The following FBXW7 variants were observed in gnomAD, a reference collection of about 807,000 sequenced individuals.
FBXW7 encodes the protein F-box and WD repeat domain containing 7.
FBXW7 carries 11 observed loss-of-function variants against 86.3 expected under a neutral mutation model. The observed-to-expected ratio is 0.13, with a 90% CI of 0.08 to 0.21. The LOEUF (loss-of-function observed/expected upper bound fraction) is 0.21. FBXW7 is among the 10% of genes least tolerant of loss of function. The pLI is 1.00. For synonymous variants in FBXW7, 313 were observed against 297.9 expected (o/e 1.05, Z -0.52); for missense variants, 488 against 847.4 (o/e 0.58, Z 5.27).
At chr4:152,506,184 T>G (rs1747406807) in intron 2 of FBXW7, among the ~76,000 whole-genome samples, 1 of 151,862 alleles carries the variant, frequency 6.6e-6, no homozygotes, top group Non-Finnish European at 1.5e-5. Flanking sequence ...CAGGCGGGAG[T>G]GCGGTGGCAC....
intron 2 of FBXW7, among the ~76,000 whole-genome samples, chr4:152,421,029 C>G (rs1738897277): frequency 6.6e-6 from 1 of 152,136 alleles, no homozygotes; most frequent in Non-Finnish European, 1.5e-5. Flanking sequence ...GCTGTTTCAT[C>G]TACATTGAAA....
chr4:152,508,449 G>C (rs1394048327), intron 2 of FBXW7, among the ~76,000 whole-genome samples: 1 of 152,030 alleles, frequency 6.6e-6, no homozygotes, highest in East Asian at 1.9e-4. Context: ...CCAACACCTT[G>C]GGAGGCCAAC....
intron 2 of FBXW7, among the ~76,000 whole-genome samples, chr4:152,485,618 C>G (rs1054337127): frequency 6.6e-6 from 1 of 152,100 alleles, no homozygotes; most frequent in Admixed American, 6.6e-5. Flanking sequence ...ATGAAAAGAA[C>G]CAATAGAAGC....
In FBXW7 at chr4:152,535,719, C is replaced by G. The variant is rs1238249360; in HGVS notation, c.-805G>C. ...CACGCCCCACGGGACGAGGCAGAAG[C>G]TCTGGCGCCTCCTCAGCGTTCTCTC... On this transcript the variant is annotated 5_prime_UTR_variant, in exon 1 of 14. Coordinates refer to ENST00000281708, the MANE Select transcript of FBXW7 (RefSeq NM_001349798.2). The G allele has an allele frequency of 5.1e-6, 2 of 395,312 alleles. No homozygotes were observed. Among genetic ancestry groups the G allele is most frequent in the African/African-American group, 4.1e-5 (2 of 48,414 alleles). The allele number at this position is 395,312 out of a possible 1,614,324, so 24.5% of individuals were successfully genotyped here. A position where few individuals can be genotyped will look rare whatever the true frequency, so the allele number is the denominator to read the frequency against.
intron 2 of FBXW7, among the ~76,000 whole-genome samples, chr4:152,460,683 A>G (rs1291234935): frequency 6.6e-6 from 1 of 152,224 alleles, no homozygotes; most frequent in Non-Finnish European, 1.5e-5. Flanking sequence ...GGCTACTTTC[A>G]AGAAATTCTC....
chr4:152,471,260 G>A (rs544255191), intron 2 of FBXW7, among the ~76,000 whole-genome samples: 1 of 151,476 alleles, frequency 6.6e-6, no homozygotes, highest in East Asian at 1.9e-4. Context: ...ATAGTGACAA[G>A]ATAAATACTG....
chr4:152,425,566 G>A (rs569771879), intron 2 of FBXW7, among the ~76,000 whole-genome samples: 1 of 149,238 alleles, frequency 6.7e-6, no homozygotes, highest in South Asian at 2.1e-4. Flanking sequence ...TTTCTCAAAT[G>A]AAACAATTAA....
rs748590884 is a variant in FBXW7 at position 152,411,321 on chromosome 4, G to A, written c.483C>T (p.Phe161=). 9 of 1,606,430 alleles carry A rather than the reference G, an allele frequency of 5.6e-6. No homozygotes were observed. The South Asian group carries it at 8.9e-5, about 16-fold the overall frequency. Residue 161 remains phenylalanine (F), a synonymous_variant, in exon 4 of 14, where the codon TTC becomes TTT. Transcript: ENST00000281708. ...TACTCACTTTTGTTGTTTTTGTATAGAATGGGGAGGAGAGTTGGTGAACGG... is the reference window on the plus strand; with the variant it reads ...TACTCACTTTTGTTGTTTTTGTATAAAATGGGGAGGAGAGTTGGTGAACGG... ...DLPVHQLSSP[F]YTKTTKMKRK...
intron 2 of FBXW7, among the ~76,000 whole-genome samples, chr4:152,463,300 A>G (rs527832895): frequency 6.6e-6 from 1 of 152,240 alleles, no homozygotes; most frequent in South Asian, 2.1e-4. Context: ...CAAAAAAAAA[A>G]AGAATGTTTT....
At chr4:152,511,068 G>A (rs1464336802) in intron 2 of FBXW7, among the ~76,000 whole-genome samples, 4 of 150,162 alleles carry the variant, frequency 2.7e-5, no homozygotes, top group Non-Finnish European at 5.9e-5. Context: ...TAGAGACAGG[G>A]GGTCTCTTCA....
intron 2 of FBXW7, among the ~76,000 whole-genome samples, chr4:152,431,032 G>GA (rs1421994541): frequency 6.6e-6 from 1 of 152,138 alleles, no homozygotes; most frequent in Non-Finnish European, 1.5e-5. Flanking sequence ...TTCCTGCCAA[G>GA]AATTTGAAAA....
In FBXW7 at chr4:152,353,272, C is replaced by A. The variant is rs190410965; in HGVS notation, c.502-3148G>T. Among the ~76,000 whole-genome samples the A allele has an allele frequency of 2.2e-3, 330 of 151,996 alleles. 1 individual carries two copies. The highest frequency in any genetic ancestry group is 6.8e-3 in the African/African-American group (283 of 41,464). ...TTGGATGGTACAAAACAGGCAATCC[C>A]GAAAAGAGAAATTAATATACTCTGG... On this transcript the variant is annotated intron_variant, in intron 4 of 13. Coordinates refer to ENST00000281708, the MANE Select transcript of FBXW7 (RefSeq NM_001349798.2).
At chr4:152,352,926 T>G in intron 4 of FBXW7, 1 of 1,419,888 alleles carries the variant, frequency 7.0e-7, no homozygotes, top group Non-Finnish European at 9.2e-7. Context: ...TGCACATCAA[T>G]TATATGGTGA....
intron 2 of FBXW7, among the ~76,000 whole-genome samples, chr4:152,470,495 T>C (rs1743845614): frequency 6.6e-6 from 1 of 152,154 alleles, no homozygotes; most frequent in Non-Finnish European, 1.5e-5. Flanking sequence ...ATTCATTCTA[T>C]GTTTATTAAA....
At chr4:152,362,304 T>A (rs1230527911) in intron 4 of FBXW7, among the ~76,000 whole-genome samples, 2 of 152,084 alleles carry the variant, frequency 1.3e-5, no homozygotes, top group Non-Finnish European at 2.9e-5. Context: ...TTCATAATTA[T>A]ACAATATGAA....
intron 2 of FBXW7, among the ~76,000 whole-genome samples, chr4:152,487,845 TC>T (rs1745483064): frequency 6.6e-6 from 1 of 152,072 alleles, no homozygotes; most frequent in South Asian, 2.1e-4. Context: ...AATACTTAGT[TC>T]TGTAATTCTT....
At chr4:152,370,424 C>T (rs987310135) in intron 4 of FBXW7, among the ~76,000 whole-genome samples, 12 of 151,894 alleles carry the variant, frequency 7.9e-5, no homozygotes, top group African/African-American at 2.7e-4. Context: ...TTAACCTTTT[C>T]TGTCTCTTTT....
intron 2 of FBXW7, among the ~76,000 whole-genome samples, chr4:152,426,713 C>G (rs1408020437): frequency 6.6e-6 from 1 of 152,166 alleles, no homozygotes; most frequent in Non-Finnish European, 1.5e-5. Flanking sequence ...GGATAACAGA[C>G]AAGTGTAGTG....
rs1251758165 is a variant in FBXW7, at chr4:152,346,838, A to G, written c.726+92T>C. ...AAAATTCATCCACAGTATACTATGT[A>G]ACAGTGTTTCCTTCTTTTTTTACGG... is the stretch of plus-strand genomic sequence containing the variant. On this transcript the variant is annotated intron_variant, in intron 6 of 13. Coordinates refer to ENST00000281708, the MANE Select transcript of FBXW7 (RefSeq NM_001349798.2). 2.6e-6 allele frequency: 4 copies of G among 1,526,436 alleles called. No homozygotes were observed. In the African/African-American group the frequency reaches 5.5e-5, roughly 21 times the overall value. 94.6% of individuals were successfully genotyped at this position (1,526,436 alleles called of 1,614,324 possible). A position where few individuals can be genotyped will look rare whatever the true frequency, so the allele number is the denominator to read the frequency against.
Sources: gnomAD v4.1 joint callset for allele counts (sites outside exome capture counted in the v4.1 genomes callset) on GRCh38, gnomAD v4.1.1 for gene constraint, MANE v1.5 for transcripts, NCBI Gene and HGNC (gene_info 2026-07-23, HGNC 2026-07-21) for gene names.